SLC15A1: variants seen among roughly 807,000 people sequenced by gnomAD.
SLC15A1 encodes solute carrier family 15 member 1.
In SLC15A1, 83 loss-of-function variants were observed where a neutral mutation model predicts 92.9. The observed-to-expected ratio is 0.89, with a 90% CI of 0.75 to 1.07. The LOEUF is 1.07. SLC15A1 is among the 50% of genes least tolerant of loss of function. The pLI is 0.00. For missense variants in SLC15A1, 857 were observed against 880.1 expected, an observed-to-expected ratio of 0.97 and a Z score of 0.33; for synonymous variants, 322 against 318.2, an observed-to-expected ratio of 1.01 and a Z score of -0.13.
At chr13:98,727,254 C>T (rs143824451) in intron 1 of SLC15A1, among the ~76,000 whole-genome samples, 1 of 152,200 alleles carries the variant, frequency 6.6e-6, no homozygotes, top group Non-Finnish European at 1.5e-5. Context: ...CTTCTGAGTG[C>T]CTGACACACT....
At chr13:98,736,541 G>A (rs1334988148) in intron 1 of SLC15A1, among the ~76,000 whole-genome samples, 16 of 152,106 alleles carry the variant, frequency 1.1e-4, no homozygotes, top group Admixed American at 6.6e-4. Context: ...AACTGCCATC[G>A]GAGTGAACAG....
intron 1 of SLC15A1, among the ~76,000 whole-genome samples, chr13:98,744,267 C>T (rs1226118404): frequency 7.3e-6 from 1 of 136,636 alleles, no homozygotes; most frequent in Admixed American, 7.3e-5. Flanking sequence ...AAAAAAAGAA[C>T]CAATCTCTTG....
chr13:98,720,974 C>T (rs1437748871), intron 7 of SLC15A1: 2 of 371,526 alleles, frequency 5.4e-6, no homozygotes, highest in African/African-American at 2.1e-5. Flanking sequence ...ATTGCTTGAA[C>T]CCAGGAGGTG....
At chr13:98,732,172 C>T (rs2088356154) in intron 1 of SLC15A1, among the ~76,000 whole-genome samples, 1 of 152,190 alleles carries the variant, frequency 6.6e-6, no homozygotes, top group Admixed American at 6.6e-5. Context: ...TTGGTGCAGT[C>T]CTGTTTACGT....
intron 1 of SLC15A1, among the ~76,000 whole-genome samples, chr13:98,751,300 TAA>T: frequency 2.6e-5 from 4 of 152,360 alleles, no homozygotes; most frequent in Admixed American, 2.6e-4. Context: ...GCTTCAAATC[TAA>T]CTCTGTATTC....
chr13:98,726,157 C>G lies in SLC15A1; in HGVS notation c.211G>C (p.Ala71Pro). 1 of 1,614,186 alleles carries G rather than the reference C, an allele frequency of 6.2e-7. No homozygotes were observed. ...CCCAGCCACGAGTCGGCGATAAGAG[C>G]TCCGAGAATTGGCGTCAGGTAGCAC... The part of the protein sequence containing the change: ...ALCYLTPILG[A>P]LIADSWLGKF... The change falls in exon 4 of 23, where the codon GCT becomes CCT. Residue 71 changes from alanine (A) to proline (P), a missense_variant. Ala to Pro is a conservative substitution (Grantham distance 27). Transcript: ENST00000376503.
rs773598810 is a variant in SLC15A1, at chr13:98,704,274, T to G, written c.1416+15A>C. ...CAAATAGCAAAGAGTCAGCTGTAGG[T>G]CTTCACACACTTACCACCTGGTAGT... On this transcript the variant is annotated intron_variant, in intron 17 of 22. Coordinates refer to ENST00000376503, the MANE Select transcript of SLC15A1 (RefSeq NM_005073.4). 10 of 1,577,208 alleles carry G rather than the reference T, an allele frequency of 6.3e-6. 1 individual carries two copies. In the East Asian group the frequency reaches 2.3e-4, roughly 36 times the overall value.
At chr13:98,697,344 G>GCT in intron 18 of SLC15A1, among the ~76,000 whole-genome samples, 1 of 152,286 alleles carries the variant, frequency 6.6e-6, no homozygotes, top group Non-Finnish European at 1.5e-5. Flanking sequence ...GTGAGCCATT[G>GCT]CTCCTGGCCT....
intron 18 of SLC15A1, among the ~76,000 whole-genome samples, chr13:98,694,798 G>A (rs1392727235): frequency 1.3e-5 from 2 of 152,062 alleles, no homozygotes; most frequent in Non-Finnish European, 2.9e-5. Context: ...AAGCTGAGGC[G>A]GGTGGATCAC....
intron 18 of SLC15A1, among the ~76,000 whole-genome samples, chr13:98,702,067 A>G (rs567145864): frequency 6.6e-6 from 1 of 152,304 alleles, no homozygotes; most frequent in South Asian, 2.1e-4. Context: ...GATGTTTAAT[A>G]GAAGTGCGGA....
intron 1 of SLC15A1, among the ~76,000 whole-genome samples, chr13:98,741,496 GA>G (rs2088446397): frequency 1.3e-5 from 2 of 152,106 alleles, no homozygotes; most frequent in South Asian, 4.1e-4. Flanking sequence ...AGTACTTTGG[GA>G]GGTCGAGGCA....
chr13:98,708,832 A>G, intron 14 of SLC15A1, 65 bp from the exon 15 acceptor site: 1 of 1,067,326 alleles, frequency 9.4e-7, no homozygotes, highest in South Asian at 1.8e-5. Context: ...CTAAACCCCC[A>G]CCCCCACCAT....
chr13:98,701,439 C>T (rs1261424364), intron 18 of SLC15A1, among the ~76,000 whole-genome samples: 2 of 151,972 alleles, frequency 1.3e-5, no homozygotes, highest in Non-Finnish European at 2.9e-5. Flanking sequence ...TTGGTACAGT[C>T]CTGGGGACTT....
At chr13:98,702,078 G>A (rs2088072404) in intron 18 of SLC15A1, among the ~76,000 whole-genome samples, 1 of 152,282 alleles carries the variant, frequency 6.6e-6, no homozygotes, top group East Asian at 1.9e-4. Flanking sequence ...GAAGTGCGGA[G>A]AGTGGAAAAA....
At chr13:98,742,888 G>A (rs1194262203) in intron 1 of SLC15A1, among the ~76,000 whole-genome samples, 26 of 147,198 alleles carry the variant, frequency 1.8e-4, no homozygotes, top group Non-Finnish European at 3.5e-4. Context: ...GGATCCTCCC[G>A]CCTGAGCCTC....
At chr13:98,743,786 T>C (rs1269046514) in intron 1 of SLC15A1, among the ~76,000 whole-genome samples, 1 of 152,164 alleles carries the variant, frequency 6.6e-6, no homozygotes, top group African/African-American at 2.4e-5. Context: ...AGTGAGACTC[T>C]CTTTAAATGC....
In SLC15A1 at chr13:98,684,676, G is replaced by A. The variant is rs757646122; in HGVS notation, c.*48C>T. Reference sequence around the variant, plus strand: ...AGTGTCCTGCTACCTGGGGGCAGAGGTCAGGGCATCTGCGGGCCCAGTCCA... The same window carrying A: ...AGTGTCCTGCTACCTGGGGGCAGAGATCAGGGCATCTGCGGGCCCAGTCCA... On this transcript the variant is annotated 3_prime_UTR_variant, in exon 23 of 23. Transcript: ENST00000376503. The A allele has an allele frequency of 6.5e-7, 1 of 1,544,510 alleles. No homozygotes were observed. Among genetic ancestry groups the A allele is most frequent in the Non-Finnish European group, 8.9e-7 (1 of 1,122,668 alleles).
At chr13:98,711,736 A>C (rs2088164314) in intron 11 of SLC15A1, 118 bp downstream of exon 11, 1 of 667,978 alleles carries the variant, frequency 1.5e-6, no homozygotes, top group Non-Finnish European at 2.6e-6. Context: ...AGTGAAATAT[A>C]AATAAGAAAC....
chr13:98,727,940 G>T (rs1425844605), intron 1 of SLC15A1, among the ~76,000 whole-genome samples: 1 of 152,142 alleles, frequency 6.6e-6, no homozygotes, highest in African/African-American at 2.4e-5. Context: ...GTGTGCCTCA[G>T]AATCACCAGA....
Sources: allele counts gnomAD v4.1 joint callset (sites outside exome capture counted in the v4.1 genomes callset), GRCh38; gene constraint gnomAD v4.1.1; transcripts MANE v1.5; gene names NCBI Gene and HGNC (gene_info 2026-07-23, HGNC 2026-07-21).